The following SLX4 variants were observed in gnomAD, a reference collection of about 807,000 sequenced individuals.
The protein encoded by SLX4 is structure-specific endonuclease subunit SLX4.
A neutral mutation model predicts 146.2 loss-of-function variants in SLX4; 112 were observed. That is an observed-to-expected ratio of 0.77 (90% CI 0.66 to 0.90). The LOEUF (loss-of-function observed/expected upper bound fraction) is 0.90. Among genes scored for constraint, SLX4 ranks in the 40% least tolerant of loss-of-function variants. The pLI, the probability that SLX4 is intolerant of heterozygous loss-of-function variation, is 0.00. For synonymous variants in SLX4, 1,061 were observed against 997.7 expected, an observed-to-expected ratio of 1.06 and a Z score of -1.20; for missense variants, 2,563 against 2,392.7, an observed-to-expected ratio of 1.07 and a Z score of -1.49.
In SLX4 at chr16:3,589,377, T is replaced by C. The variant is rs141567438; in HGVS notation, c.4261A>G (p.Ile1421Val). Reference protein sequence around the residue: ...RSPPLDSDPPIPIDDCCWHME... With the variant: ...RSPPLDSDPPVPIDDCCWHME... ...TGCCAGCAGCAGTCGTCAATTGGAA[T>C]TGGGGGGTCACTGTCCAGTGGGGGG... The change falls in exon 12 of 15, where the codon ATT becomes GTT. Residue 1421 changes from isoleucine (I) to valine (V), a missense_variant. Ile to Val is a conservative substitution (Grantham distance 29). Coordinates refer to ENST00000294008, the MANE Select transcript of SLX4 (RefSeq NM_032444.4). The surrounding 1 kb of genome is among the most constrained non-coding windows in gnomAD (Gnocchi z 6.2). 3.8e-6 allele frequency: 6 copies of C among 1,590,346 alleles called. No homozygotes were observed. The highest frequency in any genetic ancestry group is 1.7e-4 in the Middle Eastern group (1 of 5,964).
chr16:3,610,030 T>G (rs2040835012), intron 1 of SLX4, among the ~76,000 whole-genome samples: 1 of 152,222 alleles, frequency 6.6e-6, no homozygotes, highest in South Asian at 2.1e-4. Flanking sequence ...ACTTATCTTC[T>G]CAACCCAGCA....
intron 1 of SLX4, 103 bp from the exon 2 acceptor site, chr16:3,609,669 G>C (rs978183660): frequency 1.3e-5 from 2 of 152,466 alleles, no homozygotes; most frequent in Admixed American, 6.5e-5. Flanking sequence ...AAAGTCTTCG[G>C]AGTAACAATA....
chr16:3,600,591 C>CTT (rs974875930), intron 5 of SLX4: 2,090 of 102,624 alleles, frequency 0.02, 669 homozygotes, highest in Non-Finnish European at 0.03. Flanking sequence ...CTATAAAAAG[C>CTT]TTTTTTTTTT....
chr16:3,597,488 C>A lies in SLX4; in HGVS notation c.1574G>T (p.Arg525Leu), dbSNP rs756369289. 1.2e-6 allele frequency: 2 copies of A among 1,613,950 alleles called. No homozygotes were observed. Among genetic ancestry groups the A allele is most frequent in the South Asian group, 1.1e-5 (1 of 91,090 alleles). Reference protein sequence around the residue: ...RAGQCPPPPERKQSFLWEGSA... With the variant: ...RAGQCPPPPELKQSFLWEGSA... ...GCCCTCCCACAGAAAGCTCTGCTTG[C>A]GTTCAGGTGGAGGAGGACACTGGCC... is the stretch of plus-strand genomic sequence containing the variant. Residue 525 changes from arginine (R) to leucine (L), a missense_variant, in exon 7 of 15, where the codon CGC becomes CTC. By Grantham distance (102) the Arg-to-Leu change is moderately radical. Coordinates refer to ENST00000294008, the MANE Select transcript of SLX4 (RefSeq NM_032444.4). The surrounding 1 kb of genome is among the most constrained non-coding windows in gnomAD (Gnocchi z 4.4).
chr16:3,606,485 A>G lies in SLX4; in HGVS notation c.749T>C (p.Met250Thr), dbSNP rs950041115. The G allele has an allele frequency of 6.2e-7, 1 of 1,614,204 alleles. No individual in the cohort carries two copies. Among genetic ancestry groups the G allele is most frequent in the Non-Finnish European group, 8.5e-7 (1 of 1,180,026 alleles). ...CACACTCATCATACCATTCCCCGCCATCATCTCCTCTTGAGGATCCTTTGG... is the reference window on the plus strand; with the variant it reads ...CACACTCATCATACCATTCCCCGCCGTCATCTCCTCTTGAGGATCCTTTGG... ...NVPKDPQEEM[M>T]AGNVYGLGPP... The change falls in exon 3 of 15, where the codon ATG (methionine) becomes ACG (threonine). Residue 250 changes from methionine to threonine, a missense_variant. Transcript: ENST00000294008.
At position 3,582,052 on chromosome 16, in the gene SLX4, A is replaced by G; in HGVS notation, c.*290T>C. ...AGCACGACTGTCTCAAAAAGAAAAA[A>G]AAAAAGAAAACCAAAAAGGGAGACA... On this transcript the variant is annotated 3_prime_UTR_variant, in exon 15 of 15. Coordinates refer to ENST00000294008, the MANE Select transcript of SLX4 (RefSeq NM_032444.4). 1 of 501,764 alleles carries G rather than the reference A, an allele frequency of 2.0e-6. No homozygotes were observed. The highest frequency in any genetic ancestry group is 3.3e-5 in the East Asian group (1 of 30,448). The allele number at this position is 501,764 out of a possible 1,614,324, so 31.1% of individuals were successfully genotyped here.
At position 3,589,775 on chromosome 16, in the gene SLX4, G is replaced by A. The variant is rs1060501799; in HGVS notation, c.3863C>T (p.Thr1288Ile). 1 of 1,613,630 alleles carries A rather than the reference G, an allele frequency of 6.2e-7. No individual in the cohort carries two copies. Among genetic ancestry groups the A allele is most frequent in the Non-Finnish European group, 8.5e-7 (1 of 1,180,036 alleles). ...LRSGLAVQAV[T>I]QHTPRASVGN... is the part of the protein sequence containing the mutation. ...TACTGAGGCCCTGGGCGTGTGCTGA[G>A]TCACCGCCTGCACGGCCAGCCCGCT... The change falls in exon 12 of 15, where the codon ACT (threonine) becomes ATT (isoleucine). Residue 1288 changes from threonine to isoleucine, a missense_variant. Thr to Ile is a moderately conservative substitution (Grantham distance 89, BLOSUM62 -1). Transcript: ENST00000294008. This position sits in a 1 kb window ranked among gnomAD's most constrained non-coding sequence, Gnocchi z 6.2.
chr16:3,585,368 C>CCT (rs2040495646), intron 12 of SLX4, among the ~76,000 whole-genome samples: 1 of 152,086 alleles, frequency 6.6e-6, no homozygotes, highest in African/African-American at 2.4e-5. Flanking sequence ...GGGCGGATCA[C>CCT]GAGGTCAGGA....
chr16:3,591,332 G>A, intron 11 of SLX4, 22 bp from the exon 12 acceptor site: 1 of 1,607,558 alleles, frequency 6.2e-7, no homozygotes, highest in Non-Finnish European at 8.5e-7. Flanking sequence ...AACATCGACA[G>A]TCATCGCCCC....
At chr16:3,604,924 A>ATTTT (rs544664658) in intron 3 of SLX4, among the ~76,000 whole-genome samples, 1 of 133,870 alleles carries the variant, frequency 7.5e-6, no homozygotes, top group South Asian at 2.3e-4. Context: ...ATTCATTGTA[A>ATTTT]TTTTTTTTTT....
At chr16:3,599,343 T>C (rs1384499695) in intron 5 of SLX4, among the ~76,000 whole-genome samples, 2 of 152,214 alleles carry the variant, frequency 1.3e-5, no homozygotes, top group Non-Finnish European at 2.9e-5. Context: ...GTCTCAAACC[T>C]GGAGGAGTCA....
At chr16:3,592,330 G>A (rs1242565376) in intron 11 of SLX4, among the ~76,000 whole-genome samples, 1 of 152,222 alleles carries the variant, frequency 6.6e-6, no homozygotes, top group Non-Finnish European at 1.5e-5. Context: ...CCTGTTTTAT[G>A]GGACTCTGGA....
At position 3,583,450 on chromosome 16, in the gene SLX4, C is replaced by G. The variant is rs778184758; in HGVS notation, c.4800G>C (p.Gln1600His). 3 of 1,614,152 alleles carry G rather than the reference C, an allele frequency of 1.9e-6. No individual in the cohort carries two copies. The South Asian group carries it at 3.3e-5, about 18-fold the overall frequency. The change falls in exon 14 of 15, where the codon CAG (glutamine) becomes CAC (histidine). Residue 1600 changes from glutamine (Q) to histidine (H), a missense_variant. Transcript: ENST00000294008. ...QMVLKLKEIF[Q>H]YTHQTLDSDS... ...CTGAGTCCAGGGTCTGGTGAGTGTA[C>G]TGGAATATCTCCTTCAGCTTCAGAA...
At position 3,582,635 on chromosome 16, in the gene SLX4, C is replaced by T. The variant is rs556217576; in HGVS notation, c.5212G>A (p.Gly1738Arg). 1 of 1,613,400 alleles carries T rather than the reference C, an allele frequency of 6.2e-7. No homozygotes were observed. The highest frequency in any genetic ancestry group is 1.3e-5 in the African/African-American group (1 of 74,958). ...GCTGCCTGCGAGGCACTGACCTCCC[C>T]CTCGCCCTCCTCTTCACCTGCAGAC... ...FESAGEEEGE[G>R]EVSASQAAVQ... The change falls in exon 15 of 15, where the codon GGG becomes AGG. Residue 1738 changes from glycine to arginine, a missense_variant. By Grantham distance (125) the Gly-to-Arg change is moderately radical. Coordinates refer to ENST00000294008, the MANE Select transcript of SLX4 (RefSeq NM_032444.4).
chr16:3,596,282 C>G lies in SLX4; in HGVS notation c.1795G>C (p.Gly599Arg), dbSNP rs770845528. 1 of 1,569,168 alleles carries G rather than the reference C, an allele frequency of 6.4e-7. No homozygotes were observed. The highest frequency in any genetic ancestry group is 1.2e-5 in the South Asian group (1 of 85,884). Residue 599 changes from glycine to arginine, a missense_variant, in exon 8 of 15, where the codon GGC becomes CGC. By Grantham distance (125) the Gly-to-Arg change is moderately radical (BLOSUM62 -2). Transcript: ENST00000294008. ...GTPTAGCGSR[G>R]PSPSASQREH... ...CTCTGGCTGGCCGAAGGCGACGGGC[C>G]CCTGGAGCCACAGCCTGCAGTGGGG...
intron 12 of SLX4, 101 bp downstream of exon 12, chr16:3,588,901 T>C: frequency 6.8e-7 from 1 of 1,474,282 alleles, no homozygotes; most frequent in Middle Eastern, 1.7e-4. Context: ...TCAGCAGGCA[T>C]TCAGAGGGCA....
intron 12 of SLX4, among the ~76,000 whole-genome samples, chr16:3,586,817 CAA>C (rs1361035549): frequency 1.8e-4 from 17 of 92,336 alleles, no homozygotes; most frequent in Admixed American, 2.4e-4. Flanking sequence ...GGCTCCGTCT[CAA>C]AAAAAAAAAA....
chr16:3,605,243 CCAT>C (rs1460864663), intron 3 of SLX4, among the ~76,000 whole-genome samples: 4 of 152,124 alleles, frequency 2.6e-5, no homozygotes, highest in African/African-American at 9.7e-5. Flanking sequence ...GCACCCACCA[CCAT>C]ACCTTGCTAA....
rs758160317 is a variant in SLX4 at position 3,601,087 on chromosome 16, T to C, written c.1055A>G (p.His352Arg). ...CATCTTCACAGCACACTGCTTCAAGTGACTGGTTCTGCTCTTTAAGGTAAG... is the reference window on the plus strand; with the variant it reads ...CATCTTCACAGCACACTGCTTCAAGCGACTGGTTCTGCTCTTTAAGGTAAG... ...PFLTLKSRTS[H>R]LKQCAVKMEV... Residue 352 changes from histidine (H) to arginine (R), a missense_variant, in exon 5 of 15, where the codon CAC becomes CGC. Transcript: ENST00000294008. 7.4e-6 allele frequency: 12 copies of C among 1,614,026 alleles called. No individual in the cohort carries two copies. The Admixed American group carries it at 1.2e-4, about 16-fold the overall frequency.
Sources: gnomAD v4.1 joint callset for allele counts (sites outside exome capture counted in the v4.1 genomes callset) on GRCh38, gnomAD v4.1.1 for gene constraint, Gnocchi (gnomAD v3.1) non-coding constraint, MANE v1.5 for transcripts, NCBI Gene and HGNC (gene_info 2026-07-23, HGNC 2026-07-21) for gene names.